Variants in MAP3K9 observed in about 807,000 individuals in gnomAD.
The protein encoded by MAP3K9 is mixed lineage kinase 1 (tyr and ser/thr specificity).
MAP3K9 carries 46 observed loss-of-function variants against 95.8 expected under a neutral mutation model. The observed-to-expected ratio is 0.48, with a 90% confidence interval of 0.38 to 0.61. The LOEUF is 0.61. Ranked by LOEUF, MAP3K9 falls within the 20% of genes least tolerant of loss-of-function variation. MAP3K9 has a pLI of 0.00. For synonymous variants in MAP3K9, 533 were observed against 593.8 expected (o/e 0.90, Z 1.49); for missense variants, 1,296 against 1,474.3 (o/e 0.88, Z 1.98).
rs959893014 is a variant in MAP3K9, at chr14:70,724,574, C to T, written c.*5806G>A. The T allele has an allele frequency of 1.3e-5, 2 of 151,598 alleles. No homozygotes were observed. Among genetic ancestry groups the T allele is most frequent in the Non-Finnish European group, 2.9e-5 (2 of 67,948 alleles). 9.4% of individuals were successfully genotyped at this position (151,598 alleles called of 1,614,324 possible). On this transcript the variant is annotated 3_prime_UTR_variant, in exon 12 of 12. Transcript: ENST00000554752. Reference sequence around the variant, plus strand: ...AAGAGCCTCAGTAATCAAGGTAAATCATATTGCAATGCAGTATTTTTTAAA... The same window carrying T: ...AAGAGCCTCAGTAATCAAGGTAAATTATATTGCAATGCAGTATTTTTTAAA...
In MAP3K9 at chr14:70,800,849, T is replaced by A; in HGVS notation, c.638A>T (p.Glu213Val). 1 of 1,614,182 alleles carries A rather than the reference T, an allele frequency of 6.2e-7. No individual in the cohort carries two copies. Among genetic ancestry groups the A allele is most frequent in the Non-Finnish European group, 8.5e-7 (1 of 1,180,032 alleles). Residue 213 changes from glutamate to valine, a missense_variant, in exon 2 of 12, where the codon GAG (glutamate) becomes GTG (valine). Around this residue, in one of 5 missense-constraint regions of MAP3K9, gnomAD observed 338 missense variants for 363.4 expected, o/e 0.93. Coordinates refer to ENST00000554752, the MANE Select transcript of MAP3K9 (RefSeq NM_001284230.2). ...CTCCATGACCAAGCAGAGGTTGGGC[T>A]CCTTCAGACATACCCCTCTTAGGGC... ...IIALRGVCLK[E>V]PNLCLVMEFA...
intron 5 of MAP3K9, among the ~76,000 whole-genome samples, chr14:70,745,740 A>T (rs532698318): frequency 2.6e-4 from 40 of 151,960 alleles, no homozygotes; most frequent in African/African-American, 9.6e-4. Flanking sequence ...TCTGTCTCAA[A>T]AAAAAAAAAA....
chr14:70,739,788 G>T, intron 7 of MAP3K9: 2 of 1,197,976 alleles, frequency 1.7e-6, no homozygotes, highest in Admixed American at 2.6e-5. Flanking sequence ...AACCACTAAA[G>T]ATCCCATTAG....
chr14:70,735,391 G>GTCTTC (rs2053971970), intron 9 of MAP3K9, among the ~76,000 whole-genome samples: 2 of 149,896 alleles, frequency 1.3e-5, no homozygotes, highest in African/African-American at 4.9e-5. Flanking sequence ...TTTAAGTCTA[G>GTCTTC]GAAGAATCAT....
chr14:70,769,325 C>A (rs1318793379), intron 2 of MAP3K9, among the ~76,000 whole-genome samples: 1 of 152,222 alleles, frequency 6.6e-6, no homozygotes, highest in African/African-American at 2.4e-5. Context: ...TCCACCACCC[C>A]CTTTCCTCTC....
intron 3 of MAP3K9, among the ~76,000 whole-genome samples, chr14:70,755,062 C>T (rs1483457265): frequency 6.6e-6 from 1 of 152,190 alleles, no homozygotes; most frequent in Admixed American, 6.5e-5. Context: ...GAAGACAAAC[C>T]AGATGGCCCT....
At chr14:70,768,314 A>G (rs922386614) in intron 2 of MAP3K9, among the ~76,000 whole-genome samples, 3 of 152,168 alleles carry the variant, frequency 2.0e-5, no homozygotes, top group African/African-American at 7.2e-5. Flanking sequence ...TTAAAAAAAA[A>G]TTTAAAGAAG....
In MAP3K9 at chr14:70,749,015, CAT is replaced by C. The variant is rs541300296; in HGVS notation, c.1151-13_1151-12del. The C allele has an allele frequency of 2.5e-6, 4 of 1,605,826 alleles. No homozygotes were observed. Among genetic ancestry groups the C allele is most frequent in the South Asian group, 1.1e-5 (1 of 89,920 alleles). ...CAGGATTCCAGCAGTCTGAATAGAA[CAT>C]GTGAATACTCAGAAAGCATGAATGG... is the stretch of plus-strand genomic sequence containing the variant. On this transcript the variant is annotated splice_polypyrimidine_tract_variant and intron_variant, in intron 4 of 11. Transcript: ENST00000554752.
chr14:70,723,377 T>C lies in MAP3K9; in HGVS notation c.*7003A>G, dbSNP rs905550947. 3 of 152,224 alleles carry C rather than the reference T, an allele frequency of 2.0e-5. No individual in the cohort carries two copies. Among genetic ancestry groups the C allele is most frequent in the Admixed American group, 6.6e-5 (1 of 15,264 alleles). 9.4% of individuals were successfully genotyped at this position (152,224 alleles called of 1,614,324 possible). A position where few individuals can be genotyped will look rare whatever the true frequency, so the allele number is the denominator to read the frequency against. Reference sequence around the variant, plus strand: ...TGTGTGCTTCAAACCCCTGGAGTCATGGAGAGGAAACAGGGCGAGGAAGGC... The same window carrying C: ...TGTGTGCTTCAAACCCCTGGAGTCACGGAGAGGAAACAGGGCGAGGAAGGC... On this transcript the variant is annotated 3_prime_UTR_variant, in exon 12 of 12. Transcript: ENST00000554752.
At chr14:70,759,124 T>C (rs1045436540) in intron 3 of MAP3K9, among the ~76,000 whole-genome samples, 4 of 152,096 alleles carry the variant, frequency 2.6e-5, no homozygotes, top group Non-Finnish European at 5.9e-5. Flanking sequence ...ATAATAGACA[T>C]GGAGCTTCTT....
At chr14:70,799,097 G>T (rs577233593) in intron 2 of MAP3K9, among the ~76,000 whole-genome samples, 2 of 152,180 alleles carry the variant, frequency 1.3e-5, no homozygotes, top group Non-Finnish European at 2.9e-5. Flanking sequence ...CTCTCTAAAG[G>T]GAAACATTAT....
At chr14:70,778,399 C>A (rs1349219835) in intron 2 of MAP3K9, among the ~76,000 whole-genome samples, 1 of 151,980 alleles carries the variant, frequency 6.6e-6, no homozygotes, top group Non-Finnish European at 1.5e-5. Context: ...CCTCAGCCTC[C>A]TGAGTAGCTG....
At chr14:70,738,109 G>C (rs2054010584) in intron 8 of MAP3K9, 136 bp downstream of exon 8, 2 of 1,015,484 alleles carry the variant, frequency 2.0e-6, no homozygotes, top group Non-Finnish European at 2.8e-6. Context: ...AAAAACTGTT[G>C]TAAAGATCAA....
At chr14:70,771,843 G>A (rs1412293464) in intron 2 of MAP3K9, among the ~76,000 whole-genome samples, 5 of 152,236 alleles carry the variant, frequency 3.3e-5, no homozygotes, top group South Asian at 2.1e-4. Flanking sequence ...CCTACAGCAC[G>A]TTGCCTCCAG....
intron 7 of MAP3K9, among the ~76,000 whole-genome samples, chr14:70,739,539 T>TG (rs2054037387): frequency 6.6e-6 from 1 of 151,946 alleles, no homozygotes; most frequent in South Asian, 2.1e-4. Flanking sequence ...TACATGTATG[T>TG]GTGAGTATTT....
At chr14:70,805,569 A>G (rs1173582180) in intron 1 of MAP3K9, among the ~76,000 whole-genome samples, 2 of 152,238 alleles carry the variant, frequency 1.3e-5, no homozygotes, top group Non-Finnish European at 2.9e-5. Flanking sequence ...GATTTATAAT[A>G]TCATTTTTAT....
At position 70,733,354 on chromosome 14, in the gene MAP3K9, A is replaced by G; in HGVS notation, c.2027-12T>C. On this transcript the variant is annotated splice_polypyrimidine_tract_variant and intron_variant, in intron 10 of 11. Coordinates refer to ENST00000554752, the MANE Select transcript of MAP3K9 (RefSeq NM_001284230.2). The stretch of plus-strand genomic sequence containing the variant: ...ACTGTCCTCATCCTCTGTGAAGATG[A>G]CAAGAGTGGAAGAGAAACAGGAAAT... 1 of 1,155,792 alleles carries G rather than the reference A, an allele frequency of 8.7e-7. No homozygotes were observed. Among genetic ancestry groups the G allele is most frequent in the Non-Finnish European group, 1.2e-6 (1 of 805,906 alleles). 71.6% of individuals were successfully genotyped at this position (1,155,792 alleles called of 1,614,324 possible).
intron 2 of MAP3K9, among the ~76,000 whole-genome samples, chr14:70,796,515 A>G (rs2054866007): frequency 6.6e-6 from 1 of 152,204 alleles, no homozygotes; most frequent in Non-Finnish European, 1.5e-5. Flanking sequence ...CCCTTCCTTG[A>G]TAACAGATCC....
At chr14:70,786,912 A>G (rs544560425) in intron 2 of MAP3K9, among the ~76,000 whole-genome samples, 7 of 152,148 alleles carry the variant, frequency 4.6e-5, no homozygotes, top group African/African-American at 1.7e-4. Flanking sequence ...TTTTCTTGGT[A>G]CTCACTGATT....
Sources: allele counts gnomAD v4.1 joint callset (sites outside exome capture counted in the v4.1 genomes callset), GRCh38; gene constraint gnomAD v4.1.1; regional missense constraint gnomAD v4.1.1; transcripts MANE v1.5; gene names NCBI Gene and HGNC (gene_info 2026-07-23, HGNC 2026-07-21).